ANKRD44: variants seen among roughly 807,000 people sequenced by gnomAD.
ANKRD44 encodes ankyrin repeat domain 44.
A neutral mutation model predicts 116.0 loss-of-function variants in ANKRD44; 35 were observed. The ratio of observed to expected loss-of-function variants is 0.30; its 90% CI spans 0.23 to 0.40. The LOEUF (loss-of-function observed/expected upper bound fraction) is 0.40. Ranked by LOEUF, ANKRD44 falls within the 10% of genes least tolerant of loss-of-function variation. The pLI, the probability that ANKRD44 is intolerant of heterozygous loss-of-function variation, is 1.00. For missense variants in ANKRD44, 1,014 were observed against 1,242.6 expected (o/e 0.82, Z 2.77); for synonymous variants, 435 against 461.8 (o/e 0.94, Z 0.74).
At chr2:196,991,459 T>A (rs149486155) in intron 27 of ANKRD44, among the ~76,000 whole-genome samples, 1 of 152,232 alleles carries the variant, frequency 6.6e-6, no homozygotes, top group Non-Finnish European at 1.5e-5. Context: ...TCACTTTATA[T>A]ATGCTTCATA....
Position 197,310,568 on chromosome 2 carries a change from C to T in ANKRD44, c.27+10G>A, listed in dbSNP as rs1364504567. ...CGCGCGTCCCGCCCGCCGGCGCCGCCGCCCGCTACCTGGTCGGTGAGTTTG... is the reference window on the plus strand; with the variant it reads ...CGCGCGTCCCGCCCGCCGGCGCCGCTGCCCGCTACCTGGTCGGTGAGTTTG... On this transcript the variant is annotated intron_variant, in intron 1 of 27. Coordinates refer to ENST00000282272, the MANE Select transcript of ANKRD44 (RefSeq NM_001195144.2). 1 of 1,200,800 alleles carries T rather than the reference C, an allele frequency of 8.3e-7. No individual in the cohort carries two copies. Among genetic ancestry groups the T allele is most frequent in the Non-Finnish European group, 1.1e-6 (1 of 946,450 alleles). The allele number at this position is 1,200,800 out of a possible 1,614,324, so 74.4% of individuals were successfully genotyped here.
chr2:197,145,570 C>T (rs190160407), intron 3 of ANKRD44, among the ~76,000 whole-genome samples: 1 of 152,322 alleles, frequency 6.6e-6, no homozygotes, highest in East Asian at 1.9e-4. Flanking sequence ...CTCAAAAGCA[C>T]AAGAAATGCC....
At chr2:197,268,449 A>G (rs2082797686) in intron 1 of ANKRD44, among the ~76,000 whole-genome samples, 1 of 152,236 alleles carries the variant, frequency 6.6e-6, no homozygotes, top group Non-Finnish European at 1.5e-5. Context: ...TGAACCAAGC[A>G]CAATGCTGGC....
At chr2:197,122,839 AT>A in intron 6 of ANKRD44, 47 bp from the exon 7 acceptor site, 2 of 1,584,926 alleles carry the variant, frequency 1.3e-6, no homozygotes, top group Non-Finnish European at 1.7e-6. Context: ...TTATAGGACA[AT>A]TTGCTGATTC....
At chr2:196,999,721 GTA>G (rs1312669866) in intron 23 of ANKRD44, among the ~76,000 whole-genome samples, 1 of 152,022 alleles carries the variant, frequency 6.6e-6, no homozygotes, top group African/African-American at 2.4e-5. Context: ...AGCCTCCTGA[GTA>G]GCTGGGACTA....
intron 16 of ANKRD44, among the ~76,000 whole-genome samples, chr2:197,065,728 C>T (rs1046074237): frequency 3.9e-5 from 6 of 152,128 alleles, no homozygotes; most frequent in Non-Finnish European, 7.4e-5. Flanking sequence ...TGGACATATA[C>T]ACCCTCCCAA....
At chr2:197,054,071 C>T (rs1486618417) in intron 16 of ANKRD44, among the ~76,000 whole-genome samples, 4 of 152,042 alleles carry the variant, frequency 2.6e-5, no homozygotes, top group Admixed American at 6.6e-5. Context: ...ACAACCTGGC[C>T]GGTTATAGGA....
chr2:197,121,191 A>C, intron 8 of ANKRD44, 141 bp downstream of exon 8: 1 of 788,948 alleles, frequency 1.3e-6, no homozygotes, highest in East Asian at 2.7e-5. Context: ...CCTCCAGACA[A>C]CTTTTCTTAT....
At chr2:197,216,026 C>A (rs575770969) in intron 1 of ANKRD44, among the ~76,000 whole-genome samples, 3 of 152,230 alleles carry the variant, frequency 2.0e-5, no homozygotes, top group African/African-American at 7.2e-5. Flanking sequence ...AAAGTCAAAC[C>A]AATCGGGGTT....
intron 21 of ANKRD44, among the ~76,000 whole-genome samples, chr2:196,974,458 A>G (rs2075742181): frequency 6.6e-6 from 1 of 152,216 alleles, no homozygotes; most frequent in Non-Finnish European, 1.5e-5. Flanking sequence ...TTTGAGAACA[A>G]TGAAAATGAA....
chr2:196,998,550 GA>G, intron 24 of ANKRD44, 131 bp from the exon 25 acceptor site: 1 of 717,756 alleles, frequency 1.4e-6, no homozygotes, highest in Non-Finnish European at 2.3e-6. Context: ...TGTATTTAAA[GA>G]AAAAAGGGAG....
At chr2:196,985,962 CA>C (rs1574219060), downstream of ANKRD44, among the ~76,000 whole-genome samples, 1 of 152,042 alleles carries the variant, frequency 6.6e-6, no homozygotes, top group East Asian at 1.9e-4. Flanking sequence ...GTGACAATAC[CA>C]AAGTTAGGCA....
chr2:197,110,123 C>A (rs993442285), intron 9 of ANKRD44, among the ~76,000 whole-genome samples: 1 of 152,088 alleles, frequency 6.6e-6, no homozygotes, highest in African/African-American at 2.4e-5. Context: ...ATTATAGGCA[C>A]CTGCCACCAC....
intron 3 of ANKRD44, among the ~76,000 whole-genome samples, chr2:197,146,524 G>A (rs2079506846): frequency 6.6e-6 from 1 of 151,748 alleles, no homozygotes; most frequent in African/African-American, 2.4e-5. Flanking sequence ...CATATATAGT[G>A]TATACATGCT....
intron 1 of ANKRD44, among the ~76,000 whole-genome samples, chr2:197,285,992 A>G (rs1273156082): frequency 6.6e-6 from 1 of 152,218 alleles, no homozygotes; most frequent in African/African-American, 2.4e-5. Flanking sequence ...ACTCTGGGTG[A>G]GTCTGACAAT....
chr2:197,307,793 G>A (rs1165095616), intron 1 of ANKRD44, among the ~76,000 whole-genome samples: 1 of 152,094 alleles, frequency 6.6e-6, no homozygotes, highest in Non-Finnish European at 1.5e-5. Context: ...GACAAATCCA[G>A]ACAATTTGTG....
intron 4 of ANKRD44, among the ~76,000 whole-genome samples, chr2:197,133,434 T>C (rs1392268903): frequency 1.3e-5 from 2 of 152,186 alleles, no homozygotes; most frequent in Non-Finnish European, 2.9e-5. Flanking sequence ...AAGATCTAAT[T>C]CCTATAATAA....
At chr2:197,025,656 T>C (rs1394153973) in intron 16 of ANKRD44, among the ~76,000 whole-genome samples, 1 of 152,132 alleles carries the variant, frequency 6.6e-6, no homozygotes, top group Admixed American at 6.5e-5. Context: ...AATATAAAAA[T>C]AAGAAAACAT....
intron 16 of ANKRD44, among the ~76,000 whole-genome samples, chr2:197,064,765 T>C (rs2077394480): frequency 6.6e-6 from 1 of 152,210 alleles, no homozygotes. Context: ...ATCCTAAATA[T>C]ATATGCACCC....
Sources: allele counts gnomAD v4.1 joint callset (sites outside exome capture counted in the v4.1 genomes callset), GRCh38; gene constraint gnomAD v4.1.1; transcripts MANE v1.5; gene names NCBI Gene and HGNC (gene_info 2026-07-23, HGNC 2026-07-21).